Variants in PTP4A1 observed in about 807,000 individuals in gnomAD.
PTP4A1 encodes the protein protein tyrosine phosphatase type IVA 1.
PTP4A1 carries 9 observed loss-of-function variants against 20.5 expected under a neutral mutation model. The ratio of observed to expected loss-of-function variants is 0.44; its 90% confidence interval spans 0.26 to 0.77. The LOEUF (loss-of-function observed/expected upper bound fraction) is 0.77, where lower values mean the gene tolerates loss of function less well. Ranked by LOEUF, PTP4A1 falls within the 30% of genes least tolerant of loss-of-function variation. The pLI is 0.19. For missense variants in PTP4A1, 137 were observed against 218.8 expected, an observed-to-expected ratio of 0.63 and a Z score of 2.36; for synonymous variants, 78 against 67.4, an observed-to-expected ratio of 1.16 and a Z score of -0.77.
chr6:63,541,404 AT>A (rs1443908432), intron 2 of PTP4A1, among the ~76,000 whole-genome samples: 1 of 151,968 alleles, frequency 6.6e-6, no homozygotes, highest in Non-Finnish European at 1.5e-5. Flanking sequence ...AAACAAAAAA[AT>A]AGCCAGGCAT....
intron 2 of PTP4A1, among the ~76,000 whole-genome samples, chr6:63,535,376 C>A (rs1054037111): frequency 6.6e-6 from 1 of 151,610 alleles, no homozygotes; most frequent in African/African-American, 2.4e-5. Context: ...GCCTGAGGCA[C>A]GAGAATCACT....
chr6:63,580,112 C>A lies in PTP4A1; in HGVS notation c.460C>A (p.Pro154Thr). 2 of 1,613,332 alleles carry A rather than the reference C, an allele frequency of 1.2e-6. No individual in the cohort carries two copies. The highest frequency in any genetic ancestry group is 1.7e-5 in the Admixed American group (1 of 59,954). ...KQLLYLEKYR[P>T]KMRLRFKDSN... ...ACTTCTGTATTTGGAGAAGTATCGT[C>A]CTAAAATGCGGCTGCGTTTCAAAGA... The change falls in exon 6 of 6, where the codon CCT becomes ACT. Residue 154 changes from proline (P) to threonine (T), a missense_variant. Coordinates refer to ENST00000626021, the MANE Select transcript of PTP4A1 (RefSeq NM_003463.5).
chr6:63,547,615 C>T (rs1448472825), intron 2 of PTP4A1, among the ~76,000 whole-genome samples: 3 of 150,410 alleles, frequency 2.0e-5, no homozygotes, highest in South Asian at 2.1e-4. Flanking sequence ...ATTCCATTCT[C>T]CTGCCTCAGC....
intron 3 of PTP4A1, among the ~76,000 whole-genome samples, chr6:63,552,132 T>A (rs1261159697): frequency 6.6e-6 from 1 of 152,206 alleles, no homozygotes; most frequent in Non-Finnish European, 1.5e-5. Context: ...ACTTCCACAA[T>A]GGTTGAACTA....
At chr6:63,552,076 T>G (rs1232991003) in intron 3 of PTP4A1, among the ~76,000 whole-genome samples, 8 of 152,190 alleles carry the variant, frequency 5.3e-5, no homozygotes, top group African/African-American at 1.7e-4. Context: ...GATGGCTGGG[T>G]CAAATGGTAT....
intron 1 of PTP4A1, among the ~76,000 whole-genome samples, chr6:63,575,695 A>T (rs1407433449): frequency 6.6e-6 from 1 of 152,170 alleles, no homozygotes; most frequent in Non-Finnish European, 1.5e-5. Flanking sequence ...TATTTTCTTT[A>T]CAGTTATAAA....
rs115603990 is a variant in PTP4A1, at chr6:63,576,737, T to C, written c.-144T>C. On this transcript the variant is annotated 5_prime_UTR_variant, in exon 2 of 6. Coordinates refer to ENST00000626021, the MANE Select transcript of PTP4A1 (RefSeq NM_003463.5). The stretch of plus-strand genomic sequence containing the variant: ...CTTGTTAGGAGGTTCATTTCACTTA[T>C]CATTACTTACAACTTCATACTCAAA... 5.1e-3 allele frequency: 3,330 copies of C among 659,366 alleles called. 16 individuals carry two copies. The highest frequency in any genetic ancestry group is 7.4e-3 in the Non-Finnish European group (2,847 of 384,492). The allele number at this position is 659,366 out of a possible 1,614,324, so 40.8% of individuals were successfully genotyped here. A position where few individuals can be genotyped will look rare whatever the true frequency, so the allele number is the denominator to read the frequency against.
intron 3 of PTP4A1, among the ~76,000 whole-genome samples, chr6:63,556,190 T>C (rs1776678994): frequency 6.6e-6 from 1 of 152,136 alleles, no homozygotes; most frequent in Admixed American, 6.5e-5. Flanking sequence ...TTTATTTATT[T>C]TGAGACAGGC....
chr6:63,543,137 G>C (rs928723189), intron 2 of PTP4A1, among the ~76,000 whole-genome samples: 15 of 152,076 alleles, frequency 9.9e-5, no homozygotes, highest in African/African-American at 3.6e-4. Flanking sequence ...TCACAAATTA[G>C]AGTGCTCCTT....
chr6:63,562,966 T>C (rs1269481135), intron 3 of PTP4A1, among the ~76,000 whole-genome samples: 1 of 152,242 alleles, frequency 6.6e-6, no homozygotes, highest in Non-Finnish European at 1.5e-5. Context: ...TATCTCTGTT[T>C]GGCCTTTGAC....
intron 3 of PTP4A1, among the ~76,000 whole-genome samples, chr6:63,559,189 T>C (rs1581935475): frequency 6.6e-6 from 1 of 152,164 alleles, no homozygotes; most frequent in Admixed American, 6.5e-5. Context: ...AACATGCTAA[T>C]GAGGAAAAAT....
At chr6:63,520,455 C>A (rs770317313), upstream of PTP4A1, among the ~76,000 whole-genome samples, 3 of 152,006 alleles carry the variant, frequency 2.0e-5, no homozygotes, top group Non-Finnish European at 4.4e-5. Flanking sequence ...GGCAAAACCC[C>A]ATCTGTATCA....
chr6:63,547,568 C>T (rs1206869987), intron 2 of PTP4A1, among the ~76,000 whole-genome samples: 1 of 128,262 alleles, frequency 7.8e-6, no homozygotes, highest in Admixed American at 8.7e-5. Flanking sequence ...TGCAGTGGTA[C>T]GATCTTGGCT....
rs1778156559 is a variant in PTP4A1 at position 63,580,461 on chromosome 6, T to C, written c.*287T>C. The C allele has an allele frequency of 3.6e-6, 1 of 274,152 alleles. No individual in the cohort carries two copies. The highest frequency in any genetic ancestry group is 7.0e-6 in the Non-Finnish European group (1 of 142,244). The allele number at this position is 274,152 out of a possible 1,614,324, so 17.0% of individuals were successfully genotyped here. A position where few individuals can be genotyped will look rare whatever the true frequency, so the allele number is the denominator to read the frequency against. Reference sequence around the variant, plus strand: ...AATCATGCAGTATTGAGTTATGACTTGTTAAATCTATTCCCATGCCAGAAT... The same window carrying C: ...AATCATGCAGTATTGAGTTATGACTCGTTAAATCTATTCCCATGCCAGAAT... On this transcript the variant is annotated 3_prime_UTR_variant, in exon 6 of 6. Transcript: ENST00000626021.
intron 3 of PTP4A1, among the ~76,000 whole-genome samples, chr6:63,565,304 A>G (rs1777144163): frequency 6.6e-6 from 1 of 152,166 alleles, no homozygotes; most frequent in South Asian, 2.1e-4. Context: ...TACTAATGTG[A>G]ATACACATTC....
At chr6:63,529,205 G>T (rs1196558928) in intron 2 of PTP4A1, among the ~76,000 whole-genome samples, 5 of 145,800 alleles carry the variant, frequency 3.4e-5, no homozygotes, top group Admixed American at 2.8e-4. Context: ...ATATATATAT[G>T]TATATATATT....
At chr6:63,567,216 A>G (rs1777229406) in intron 3 of PTP4A1, among the ~76,000 whole-genome samples, 1 of 152,226 alleles carries the variant, frequency 6.6e-6, no homozygotes, top group Non-Finnish European at 1.5e-5. Flanking sequence ...AATGGCATCT[A>G]GAATCCTTTC....
chr6:63,577,116 G>A, intron 2 of PTP4A1, 131 bp downstream of exon 2: 1 of 687,412 alleles, frequency 1.5e-6, no homozygotes, highest in Non-Finnish European at 2.5e-6. Flanking sequence ...AGAAATAAAT[G>A]TCAATGTCTT....
intron 1 of PTP4A1, among the ~76,000 whole-genome samples, chr6:63,526,856 A>C: frequency 7.7e-6 from 1 of 129,948 alleles, no homozygotes; most frequent in Non-Finnish European, 1.6e-5. Context: ...TATTCTTCTT[A>C]AGGGCTTCCA....
Sources: gnomAD v4.1 joint callset for allele counts (sites outside exome capture counted in the v4.1 genomes callset) on GRCh38, gnomAD v4.1.1 for gene constraint, MANE v1.5 for transcripts, NCBI Gene and HGNC (gene_info 2026-07-23, HGNC 2026-07-21) for gene names.